Variants in RHOBTB1 observed in about 807,000 individuals in gnomAD.
The protein encoded by RHOBTB1 is rho-related BTB domain-containing protein 1.
In RHOBTB1, 40 loss-of-function variants were observed where a neutral mutation model predicts 71.6. The ratio of observed to expected loss-of-function variants is 0.56; its 90% confidence interval spans 0.43 to 0.73. The LOEUF (loss-of-function observed/expected upper bound fraction) is 0.73, where lower values mean the gene tolerates loss of function less well. Ranked by LOEUF, RHOBTB1 falls within the 30% of genes least tolerant of loss-of-function variation. RHOBTB1 has a pLI of 0.00. For missense variants in RHOBTB1, 797 were observed against 894.0 expected (o/e 0.89, Z 1.38); for synonymous variants, 319 against 334.9 (o/e 0.95, Z 0.52).
In RHOBTB1 at chr10:60,911,109, A is replaced by G. The variant is rs114167858; in HGVS notation, c.193-119T>C. 1,900 of 819,000 alleles carry G rather than the reference A, an allele frequency of 2.3e-3. 24 individuals are homozygous for G. The African/African-American group carries it at 0.026, about 11-fold the overall frequency. 50.7% of individuals were successfully genotyped at this position (819,000 alleles called of 1,614,324 possible). A position where few individuals can be genotyped will look rare whatever the true frequency, so the allele number is the denominator to read the frequency against. On this transcript the variant is annotated intron_variant, in intron 3 of 10. Coordinates refer to ENST00000337910, the MANE Select transcript of RHOBTB1 (RefSeq NM_014836.5). ...CACTTGCATTAAGTTTCCTTATTCTATCTGACGGGATTTAAGCTAAGTCTT... is the reference window on the plus strand; with the variant it reads ...CACTTGCATTAAGTTTCCTTATTCTGTCTGACGGGATTTAAGCTAAGTCTT...
At chr10:60,901,347 A>T (rs2082405330) in intron 4 of RHOBTB1, among the ~76,000 whole-genome samples, 1 of 152,216 alleles carries the variant, frequency 6.6e-6, no homozygotes, top group Non-Finnish European at 1.5e-5. Flanking sequence ...CACTAAGGAA[A>T]ATATCAGTGA....
At chr10:60,916,404 C>T (rs1434463218) in intron 2 of RHOBTB1, among the ~76,000 whole-genome samples, 2 of 152,156 alleles carry the variant, frequency 1.3e-5, no homozygotes, top group East Asian at 3.9e-4. Flanking sequence ...ATGAATGAGC[C>T]CAGGTGAAAC....
chr10:60,862,144 T>C, the RHOBTB1 span, among the ~76,000 whole-genome samples: 2 of 143,512 alleles, frequency 1.4e-5, no homozygotes, highest in South Asian at 4.5e-4. Flanking sequence ...TCTCTCTCTC[T>C]CTTTCTTTTT....
At chr10:60,902,440 C>T (rs1237211829) in intron 4 of RHOBTB1, among the ~76,000 whole-genome samples, 1 of 152,044 alleles carries the variant, frequency 6.6e-6, no homozygotes, top group Non-Finnish European at 1.5e-5. Context: ...TATAATTATT[C>T]TTAAAAATTA....
chr10:60,955,792 T>C (rs573739195), intron 2 of RHOBTB1, among the ~76,000 whole-genome samples: 1 of 152,352 alleles, frequency 6.6e-6, no homozygotes, highest in African/African-American at 2.4e-5. Flanking sequence ...CAAACTTGTT[T>C]ACAGCTTGAA....
chr10:60,933,204 C>G (rs1417370029), intron 2 of RHOBTB1, among the ~76,000 whole-genome samples: 1 of 152,166 alleles, frequency 6.6e-6, no homozygotes, highest in South Asian at 2.1e-4. Flanking sequence ...TTTTTCAGGG[C>G]ATGTTCCTAT....
intron 4 of RHOBTB1, among the ~76,000 whole-genome samples, chr10:60,907,661 A>C (rs1308022911): frequency 6.6e-6 from 1 of 151,936 alleles, no homozygotes; most frequent in Non-Finnish European, 1.5e-5. Context: ...TTTTTTTTGG[A>C]TAGATGGATG....
At chr10:60,883,591 T>A (rs900406971) in intron 7 of RHOBTB1, among the ~76,000 whole-genome samples, 5 of 152,180 alleles carry the variant, frequency 3.3e-5, no homozygotes, top group Non-Finnish European at 7.4e-5. Context: ...TCCTCCCAGC[T>A]CTTTATCTCC....
At chr10:60,916,499 G>A (rs1280141101) in intron 2 of RHOBTB1, among the ~76,000 whole-genome samples, 3 of 152,128 alleles carry the variant, frequency 2.0e-5, no homozygotes, top group East Asian at 3.8e-4. Context: ...TTGGGTTTAT[G>A]AACCAATAGT....
At position 60,870,457 on chromosome 10, in the gene RHOBTB1, C is replaced by A. The variant is rs2080726606; in HGVS notation, c.*1025G>T. ...CCTGGGAAGAGTTAAAAATATGGGT[C>A]TTACAAAGTGAAGTTGGCCACAGGT... is the stretch of plus-strand genomic sequence containing the variant. On this transcript the variant is annotated 3_prime_UTR_variant, in exon 11 of 11. Transcript: ENST00000337910. 2 of 152,168 alleles carry A rather than the reference C, an allele frequency of 1.3e-5. No individual in the cohort carries two copies. Among genetic ancestry groups the A allele is most frequent in the African/African-American group, 4.8e-5 (2 of 41,440 alleles). 9.4% of individuals were successfully genotyped at this position (152,168 alleles called of 1,614,324 possible). A position where few individuals can be genotyped will look rare whatever the true frequency, so the allele number is the denominator to read the frequency against.
intron 2 of RHOBTB1, among the ~76,000 whole-genome samples, chr10:60,966,940 G>T (rs2085984092): frequency 6.6e-6 from 1 of 151,552 alleles, no homozygotes; most frequent in African/African-American, 2.4e-5. Flanking sequence ...CAGGCACTGG[G>T]GATACAAGTG....
Position 60,967,474 on chromosome 10 carries a change from G to A in RHOBTB1, c.-62+18371C>T, listed in dbSNP as rs577922781. On this transcript the variant is annotated intron_variant, in intron 2 of 11. Transcript: ENST00000357917. The stretch of plus-strand genomic sequence containing the variant: ...TGTCCAGTCTTTGTTTGCTTTTCAG[G>A]TTCAAGGAACACATTGTTCCCTCAA... Among the ~76,000 whole-genome samples the A allele has an allele frequency of 5.4e-4, 82 of 151,896 alleles. 1 individual carries two copies. In the South Asian group the frequency reaches 0.017, roughly 31 times the overall value.
At chr10:60,890,379 CTGTTT>C (rs1258044291) in intron 5 of RHOBTB1, among the ~76,000 whole-genome samples, 5 of 152,094 alleles carry the variant, frequency 3.3e-5, no homozygotes, top group Non-Finnish European at 5.9e-5. Flanking sequence ...GGCGGCAGTT[CTGTTT>C]TAACTTCCTC....
chr10:60,966,533 T>C (rs997453305), intron 2 of RHOBTB1, among the ~76,000 whole-genome samples: 4 of 151,890 alleles, frequency 2.6e-5, no homozygotes, highest in African/African-American at 9.7e-5. Flanking sequence ...TTGGAAACTA[T>C]AATGAAGAAA....
chr10:60,969,201 AAAAC>A (rs775426745), intron 2 of RHOBTB1, among the ~76,000 whole-genome samples: 11 of 152,112 alleles, frequency 7.2e-5, no homozygotes, highest in Non-Finnish European at 1.3e-4. Flanking sequence ...ATGGAGGTCC[AAAAC>A]AAACAAAAAA....
upstream of RHOBTB1, among the ~76,000 whole-genome samples, chr10:60,945,982 A>T (rs1006061988): frequency 3.9e-5 from 6 of 152,318 alleles, no homozygotes; most frequent in African/African-American, 9.6e-5. Flanking sequence ...GTTCGAAACC[A>T]GCCTGGCCAA....
chr10:60,986,421 AT>A (rs1272449555), intron 1 of RHOBTB1, among the ~76,000 whole-genome samples: 9 of 144,756 alleles, frequency 6.2e-5, no homozygotes, highest in South Asian at 2.1e-4. Context: ...ATATATATAT[AT>A]ATATATATAA....
intron 2 of RHOBTB1, among the ~76,000 whole-genome samples, chr10:60,952,209 T>G (rs1400099202): frequency 6.6e-6 from 1 of 152,204 alleles, no homozygotes; most frequent in Non-Finnish European, 1.5e-5. Context: ...AACTGTCTTT[T>G]ATGGTGTTAT....
intron 7 of RHOBTB1, among the ~76,000 whole-genome samples, chr10:60,879,145 C>T (rs1286991647): frequency 6.6e-6 from 1 of 152,072 alleles, no homozygotes; most frequent in Non-Finnish European, 1.5e-5. Context: ...GGTCACAGAG[C>T]TAGGAAGTAG....
Sources: allele counts gnomAD v4.1 joint callset (sites outside exome capture counted in the v4.1 genomes callset), GRCh38; gene constraint gnomAD v4.1.1; transcripts MANE v1.5; gene names NCBI Gene and HGNC (gene_info 2026-07-23, HGNC 2026-07-21).